The following CDADC1 variants were observed in gnomAD, a reference collection of about 807,000 sequenced individuals.
The protein encoded by CDADC1 is dCTP deaminase.
A neutral mutation model predicts 54.9 loss-of-function variants in CDADC1; 39 were observed. The observed-to-expected ratio is 0.71, with a 90% CI of 0.55 to 0.93. The LOEUF (loss-of-function observed/expected upper bound fraction) is 0.93. Among genes scored for constraint, CDADC1 ranks in the 40% least tolerant of loss-of-function variants. The pLI, the probability that CDADC1 is intolerant of heterozygous loss-of-function variation, is 0.00. For synonymous variants in CDADC1, 186 were observed against 204.0 expected (o/e 0.91, Z 0.75); for missense variants, 518 against 618.8 (o/e 0.84, Z 1.73).
chr13:49,249,253 T>C (rs944205506), intron 2 of CDADC1, among the ~76,000 whole-genome samples: 1 of 152,242 alleles, frequency 6.6e-6, no homozygotes, highest in African/African-American at 2.4e-5. Flanking sequence ...CAATTATATA[T>C]ACTGTTGGTG....
chr13:49,258,562 T>C (rs1331484198), intron 3 of CDADC1, among the ~76,000 whole-genome samples: 1 of 152,214 alleles, frequency 6.6e-6, no homozygotes, highest in Non-Finnish European at 1.5e-5. Context: ...CCACTGGAAG[T>C]GCTTAGAACC....
chr13:49,249,606 C>G (rs1266167637), intron 2 of CDADC1, among the ~76,000 whole-genome samples: 1 of 151,986 alleles, frequency 6.6e-6, no homozygotes. Flanking sequence ...TGGTGGTATC[C>G]GCCTGTAGTC....
At chr13:49,270,707 T>C (rs753369986) in intron 5 of CDADC1, among the ~76,000 whole-genome samples, 17 of 152,134 alleles carry the variant, frequency 1.1e-4, no homozygotes, top group Non-Finnish European at 2.4e-4. Flanking sequence ...TGCATCAAAC[T>C]TCAAAAAAAC....
intron 5 of CDADC1, among the ~76,000 whole-genome samples, chr13:49,272,505 G>A (rs1952994160): frequency 6.6e-6 from 1 of 152,094 alleles, no homozygotes; most frequent in Admixed American, 6.5e-5. Flanking sequence ...AGTACTGTTT[G>A]TTTCCTTGTT....
Position 49,286,291 on chromosome 13 carries a change from T to G in CDADC1, c.1471+9T>G, listed in dbSNP as rs201465059. ...GCCTGAAAGGAGAGAAAGTAAGTATTTATGTATTGAGGTGAACTTTGTTGC... is the reference window on the plus strand; with the variant it reads ...GCCTGAAAGGAGAGAAAGTAAGTATGTATGTATTGAGGTGAACTTTGTTGC... On this transcript the variant is annotated intron_variant, in intron 9 of 9. Coordinates refer to ENST00000251108, the MANE Select transcript of CDADC1 (RefSeq NM_030911.4). 1.6e-5 allele frequency: 26 copies of G among 1,603,630 alleles called. No individual in the cohort carries two copies. Among genetic ancestry groups the G allele is most frequent in the Non-Finnish European group, 2.1e-5 (25 of 1,170,854 alleles).
rs1417348857 is a variant in CDADC1 at position 49,265,955 on chromosome 13, C to T, written c.431-1535C>T. On this transcript the variant is annotated intron_variant, in intron 4 of 9. Coordinates refer to ENST00000251108, the MANE Select transcript of CDADC1 (RefSeq NM_030911.4). ...GGTTAGGAAATGGATTATGAGAACT[C>T]GAACAGAGGGAAGGTGAAATGCAAC... The T allele has an allele frequency of 4.6e-6, 6 of 1,300,866 alleles. No individual in the cohort carries two copies. The Admixed American group carries it at 9.2e-5, about 20-fold the overall frequency. 80.6% of individuals were successfully genotyped at this position (1,300,866 alleles called of 1,614,324 possible). A position where few individuals can be genotyped will look rare whatever the true frequency, so the allele number is the denominator to read the frequency against.
intron 9 of CDADC1, among the ~76,000 whole-genome samples, chr13:49,289,750 G>A (rs112711346): frequency 6.6e-6 from 1 of 152,132 alleles, no homozygotes; most frequent in Non-Finnish European, 1.5e-5. Context: ...ACCATATATT[G>A]GTTAAATGTG....
intron 6 of CDADC1, among the ~76,000 whole-genome samples, chr13:49,275,341 C>T (rs1953076952): frequency 6.6e-6 from 1 of 151,882 alleles, no homozygotes; most frequent in South Asian, 2.1e-4. Flanking sequence ...CCTCTTCTGC[C>T]TCCCAAAGTG....
intron 9 of CDADC1, among the ~76,000 whole-genome samples, chr13:49,288,873 T>G (rs1442466110): frequency 6.6e-6 from 1 of 152,108 alleles, no homozygotes; most frequent in African/African-American, 2.4e-5. Flanking sequence ...AATATTCTCC[T>G]AAGAACAAAA....
chr13:49,276,815 G>A (rs1390588636), intron 6 of CDADC1, among the ~76,000 whole-genome samples: 7 of 152,174 alleles, frequency 4.6e-5, no homozygotes, highest in Non-Finnish European at 1.0e-4. Flanking sequence ...GGGACTCTCT[G>A]TCTTGTTTAC....
chr13:49,278,811 A>G lies in CDADC1; in HGVS notation c.1220+292A>G, dbSNP rs74810937. On this transcript the variant is annotated intron_variant, in intron 7 of 9. Transcript: ENST00000251108. ...CCTTTGGGATCTTGCTCAGCCTCTC[A>G]TATTTCTGGATGTTAAGGCTCCTTT... Among the ~76,000 whole-genome samples the G allele has an allele frequency of 6.7e-3, 1,017 of 152,210 alleles. 13 individuals are homozygous for G. Among genetic ancestry groups the G allele is most frequent in the African/African-American group, 0.023 (939 of 41,532 alleles).
In CDADC1 at chr13:49,259,371, T is replaced by C. The variant is rs766160557; in HGVS notation, c.278T>C (p.Val93Ala). The change falls in exon 4 of 10, where the codon GTG becomes GCG. Residue 93 changes from valine to alanine, a missense_variant. Transcript: ENST00000251108. ...RQVKRTGLVV[V>A]KNMKIVGLHC... Reference sequence around the variant, plus strand: ...GTAAAGAGAACTGGTCTTGTGGTGGTGAAAAACATGAAAATTGTTGGTCTC... The same window carrying C: ...GTAAAGAGAACTGGTCTTGTGGTGGCGAAAAACATGAAAATTGTTGGTCTC... 3 of 1,612,818 alleles carry C rather than the reference T, an allele frequency of 1.9e-6. No homozygotes were observed. Among genetic ancestry groups the C allele is most frequent in the Non-Finnish European group, 2.5e-6 (3 of 1,179,122 alleles).
chr13:49,274,245 T>G, intron 5 of CDADC1, 46 bp from the exon 6 acceptor site: 1 of 1,416,630 alleles, frequency 7.1e-7, no homozygotes, highest in Non-Finnish European at 9.8e-7. Flanking sequence ...TTTCTAAAAC[T>G]AACATATCAT....
chr13:49,258,392 T>C (rs1237686723), intron 3 of CDADC1, among the ~76,000 whole-genome samples: 2 of 152,368 alleles, frequency 1.3e-5, no homozygotes, highest in East Asian at 3.8e-4. Context: ...GCTTTTGCTG[T>C]GAAAACAGCA....
At chr13:49,289,255 A>G (rs1190195968) in intron 9 of CDADC1, among the ~76,000 whole-genome samples, 1 of 150,580 alleles carries the variant, frequency 6.6e-6, no homozygotes, top group Non-Finnish European at 1.5e-5. Context: ...TAGCCTCCCA[A>G]GTATCTGGGA....
chr13:49,279,162 G>T (rs1953238983), intron 7 of CDADC1, among the ~76,000 whole-genome samples: 1 of 152,114 alleles, frequency 6.6e-6, no homozygotes, highest in Non-Finnish European at 1.5e-5. Context: ...TACCATTAAG[G>T]TTAAGGGATT....
At position 49,267,474 on chromosome 13, in the gene CDADC1, G is replaced by C; in HGVS notation, c.431-16G>C. ...AGCATGTATCTCATAATTACCTTTCGTATTTTGTATTTCAGCTGGAGTTAA... is the reference window on the plus strand; with the variant it reads ...AGCATGTATCTCATAATTACCTTTCCTATTTTGTATTTCAGCTGGAGTTAA... On this transcript the variant is annotated splice_polypyrimidine_tract_variant and intron_variant, in intron 4 of 9. Transcript: ENST00000251108. The C allele has an allele frequency of 6.3e-7, 1 of 1,596,896 alleles. No individual in the cohort carries two copies. Among genetic ancestry groups the C allele is most frequent in the Non-Finnish European group, 8.5e-7 (1 of 1,169,700 alleles).
chr13:49,279,927 A>C (rs1593842484), intron 7 of CDADC1, among the ~76,000 whole-genome samples: 1 of 152,242 alleles, frequency 6.6e-6, no homozygotes, highest in African/African-American at 2.4e-5. Context: ...CAGAGGTGTG[A>C]ATATATCAAA....
chr13:49,292,933 C>A lies in CDADC1; in HGVS notation c.*1176C>A. ...TCTCAGAATTACACGCACGACCATC[C>A]AAACATTGGCTCCATGCCAGGGCTG... On this transcript the variant is annotated 3_prime_UTR_variant, in exon 10 of 10. Transcript: ENST00000251108. The A allele has an allele frequency of 2.2e-6, 1 of 455,938 alleles. No homozygotes were observed. The highest frequency in any genetic ancestry group is 3.7e-6 in the Non-Finnish European group (1 of 273,478). 28.2% of individuals were successfully genotyped at this position (455,938 alleles called of 1,614,324 possible).
Sources: allele counts gnomAD v4.1 joint callset (sites outside exome capture counted in the v4.1 genomes callset), GRCh38; gene constraint gnomAD v4.1.1; transcripts MANE v1.5; gene names NCBI Gene and HGNC (gene_info 2026-07-23, HGNC 2026-07-21).